The following COL4A3 variants were observed in gnomAD, a reference collection of about 807,000 sequenced individuals.
The protein encoded by COL4A3 is collagen alpha-3(IV) chain.
A neutral mutation model predicts 217.4 loss-of-function variants in COL4A3; 135 were observed. The observed-to-expected ratio is 0.62, with a 90% CI of 0.54 to 0.72. COL4A3 has a LOEUF of 0.72. Among genes scored for constraint, COL4A3 ranks in the 30% least tolerant of loss-of-function variants. The probability of loss-of-function intolerance (pLI) is 0.00; values close to 1 mark genes in which losing one functional copy is unlikely to be tolerated. For missense variants in COL4A3, 1,868 were observed against 2,119.9 expected (o/e 0.88, Z 2.33); for synonymous variants, 690 against 736.3 (o/e 0.94, Z 1.02).
chr2:227,202,009 A>G (rs571148104), intron 1 of COL4A3, among the ~76,000 whole-genome samples: 2 of 152,230 alleles, frequency 1.3e-5, no homozygotes, highest in Non-Finnish European at 2.9e-5. Flanking sequence ...AAGGACTTCA[A>G]ATGATTTTCC....
intron 1 of COL4A3, among the ~76,000 whole-genome samples, chr2:227,170,058 G>T (rs1235630891): frequency 6.6e-6 from 1 of 152,152 alleles, no homozygotes; most frequent in Non-Finnish European, 1.5e-5. Context: ...GTCCATCAAA[G>T]ATTTCTGTGG....
intron 1 of COL4A3, among the ~76,000 whole-genome samples, chr2:227,206,854 T>C (rs938109355): frequency 6.6e-5 from 10 of 152,206 alleles, no homozygotes; most frequent in Non-Finnish European, 1.0e-4. Flanking sequence ...TTCTTTATCA[T>C]CACCCCATTT....
intron 1 of COL4A3, among the ~76,000 whole-genome samples, chr2:227,212,962 C>T (rs2067383316): frequency 6.6e-6 from 1 of 152,188 alleles, no homozygotes; most frequent in Non-Finnish European, 1.5e-5. Flanking sequence ...AACTAAAGAC[C>T]CTTGCACTAA....
At chr2:227,231,442 G>A (rs2068400631) in intron 1 of COL4A3, among the ~76,000 whole-genome samples, 1 of 152,168 alleles carries the variant, frequency 6.6e-6, no homozygotes, top group Non-Finnish European at 1.5e-5. Flanking sequence ...ATACAGGCAT[G>A]CAATATGAAA....
chr2:227,288,471 C>T (rs907081880), intron 34 of COL4A3, among the ~76,000 whole-genome samples: 3 of 152,066 alleles, frequency 2.0e-5, no homozygotes, highest in South Asian at 2.1e-4. Flanking sequence ...TTTCCTGGGA[C>T]GTTTATGAGC....
chr2:227,193,397 A>C (rs1376975042), intron 1 of COL4A3, among the ~76,000 whole-genome samples: 2 of 152,208 alleles, frequency 1.3e-5, no homozygotes, highest in African/African-American at 4.8e-5. Context: ...TGTTTAAATA[A>C]ATATTCATGA....
intron 25 of COL4A3, among the ~76,000 whole-genome samples, chr2:227,272,671 A>C (rs1383763134): frequency 6.6e-6 from 1 of 152,262 alleles, no homozygotes; most frequent in Non-Finnish European, 1.5e-5. Flanking sequence ...ACATAGTTTT[A>C]GTGGCTATTA....
In COL4A3 at chr2:227,251,675, G is replaced by A. The variant is rs75890569; in HGVS notation, c.645+304G>A. 0.016 allele frequency among the ~76,000 whole-genome samples: 2,474 copies of A among 152,290 alleles called. 44 individuals carry two copies. The highest frequency in any genetic ancestry group is 0.02 in the Non-Finnish European group (1,389 of 68,032). ...TCTCACACAGCACATTATCCTCTGA[G>A]TTTTTGTAGTGTGCTGCTTCACAAA... is the stretch of plus-strand genomic sequence containing the variant. On this transcript the variant is annotated intron_variant, in intron 11 of 51. Coordinates refer to ENST00000396578, the MANE Select transcript of COL4A3 (RefSeq NM_000091.5).
At chr2:227,306,405 A>G (rs1335194653) in intron 47 of COL4A3, among the ~76,000 whole-genome samples, 1 of 152,196 alleles carries the variant, frequency 6.6e-6, no homozygotes, top group Non-Finnish European at 1.5e-5. Context: ...TGCTCAGCTA[A>G]TCACTTCCCA....
Position 227,246,840 on chromosome 2 carries a change from G to C in COL4A3, c.441+102G>C, listed in dbSNP as rs778566306. ...ACAAATCCGTCATGACTTTAGGGAA[G>C]TCTGGGGTAGCCATAGTAGACATTC... On this transcript the variant is annotated intron_variant, in intron 7 of 51. Transcript: ENST00000396578. 6 of 985,570 alleles carry C rather than the reference G, an allele frequency of 6.1e-6. No homozygotes were observed. In the South Asian group the frequency reaches 7.7e-5, roughly 13 times the overall value. 61.1% of individuals were successfully genotyped at this position (985,570 alleles called of 1,614,324 possible). A position where few individuals can be genotyped will look rare whatever the true frequency, so the allele number is the denominator to read the frequency against.
chr2:227,298,175 C>G (rs973863967), intron 42 of COL4A3, among the ~76,000 whole-genome samples: 3 of 152,120 alleles, frequency 2.0e-5, no homozygotes, highest in Non-Finnish European at 2.9e-5. Flanking sequence ...TGGTGAAACC[C>G]TGTCTCTACT....
rs754276587 is a variant in COL4A3 at position 227,279,777 on chromosome 2, T to G, written c.2126-16T>G. Reference sequence around the variant, plus strand: ...AGACTAATCCTACAACAATGTTTATTGTTTTTTCTCTGTAGGAGACCAAGG... The same window carrying G: ...AGACTAATCCTACAACAATGTTTATGGTTTTTTCTCTGTAGGAGACCAAGG... On this transcript the variant is annotated splice_polypyrimidine_tract_variant and intron_variant, in intron 28 of 51. Coordinates refer to ENST00000396578, the MANE Select transcript of COL4A3 (RefSeq NM_000091.5). 6.4e-7 allele frequency: 1 copy of G among 1,558,138 alleles called. No homozygotes were observed. The highest frequency in any genetic ancestry group is 8.8e-7 in the Non-Finnish European group (1 of 1,136,780).
intron 47 of COL4A3, chr2:227,305,692 A>G (rs1050116032): frequency 1.3e-5 from 2 of 153,118 alleles, no homozygotes; most frequent in African/African-American, 4.8e-5. Context: ...ATTCTTGAAT[A>G]GAATTCAACA....
chr2:227,294,927 T>A (rs914147330), intron 39 of COL4A3, 37 bp from the exon 40 acceptor site: 1 of 1,444,068 alleles, frequency 6.9e-7, no homozygotes, highest in African/African-American at 1.5e-5. Flanking sequence ...TTGTATACCA[T>A]AGTTTGGGGT....
rs566070588 is a variant in COL4A3 at position 227,167,042 on chromosome 2, T to G, written c.87+2229T>G. Among the ~76,000 whole-genome samples the G allele has an allele frequency of 2.0e-5, 3 of 152,190 alleles. No homozygotes were observed. In the East Asian group the frequency reaches 5.8e-4, roughly 29 times the overall value. ...TGCCAGCATCACTTCAAGAGAGAAGTTGGGAATCCAGTTTTTATTAGAAAC... is the reference window on the plus strand; with the variant it reads ...TGCCAGCATCACTTCAAGAGAGAAGGTGGGAATCCAGTTTTTATTAGAAAC... On this transcript the variant is annotated intron_variant, in intron 1 of 51. Transcript: ENST00000396578.
chr2:227,169,399 T>C (rs59031096), intron 1 of COL4A3, among the ~76,000 whole-genome samples: 2 of 151,004 alleles, frequency 1.3e-5, no homozygotes, highest in African/African-American at 4.9e-5. Context: ...CCTTTGGGTA[T>C]ATACCCAGTA....
chr2:227,213,840 T>G (rs1377539909), intron 1 of COL4A3, among the ~76,000 whole-genome samples: 2 of 139,424 alleles, frequency 1.4e-5, no homozygotes, highest in African/African-American at 5.5e-5. Context: ...AGACAGAACT[T>G]GCAGTGAGCC....
At chr2:227,305,350 T>C (rs965925246) in intron 47 of COL4A3, 11 of 418,530 alleles carry the variant, frequency 2.6e-5, no homozygotes, top group African/African-American at 1.0e-4. Flanking sequence ...ATAAGTCCTA[T>C]GGGTGTTCTT....
chr2:227,246,076 G>C, intron 6 of COL4A3, 60 bp downstream of exon 6: 1 of 1,349,148 alleles, frequency 7.4e-7, no homozygotes, highest in Non-Finnish European at 1.1e-6. Context: ...TTAAATCAAG[G>C]TGAAATGGCA....
Sources: allele counts gnomAD v4.1 joint callset (sites outside exome capture counted in the v4.1 genomes callset), GRCh38; gene constraint gnomAD v4.1.1; transcripts MANE v1.5; gene names NCBI Gene and HGNC (gene_info 2026-07-23, HGNC 2026-07-21).